CHD1: variants seen among roughly 807,000 people sequenced by gnomAD.
The protein encoded by CHD1 is chromodomain helicase DNA binding protein 1.
In CHD1, 36 loss-of-function variants were observed where a neutral mutation model predicts 224.2. The observed-to-expected ratio is 0.16, with a 90% CI of 0.12 to 0.21. The LOEUF (loss-of-function observed/expected upper bound fraction) is 0.21. Ranked by LOEUF, CHD1 falls within the 10% of genes least tolerant of loss-of-function variation. The pLI is 1.00. For synonymous variants in CHD1, 668 were observed against 658.3 expected, an observed-to-expected ratio of 1.01 and a Z score of -0.23; for missense variants, 1,378 against 1,994.8, an observed-to-expected ratio of 0.69 and a Z score of 5.89.
chr5:98,858,671 A>C (rs941795457), intron 34 of CHD1: 2 of 422,720 alleles, frequency 4.7e-6, no homozygotes, highest in African/African-American at 2.0e-5. Context: ...ATGCATTACT[A>C]TTCCAAATTA....
intron 13 of CHD1, 75 bp from the exon 14 acceptor site, chr5:98,893,681 CAATT>C (rs1751165106): frequency 1.1e-6 from 1 of 873,812 alleles, no homozygotes; most frequent in East Asian, 2.8e-5. Flanking sequence ...AATCTGAACT[CAATT>C]ATTAAAATGA....
At chr5:98,921,472 G>A (rs1387383374) in intron 2 of CHD1, among the ~76,000 whole-genome samples, 4 of 152,094 alleles carry the variant, frequency 2.6e-5, no homozygotes, top group African/African-American at 4.8e-5. Context: ...CGTCTGGGGC[G>A]AGGCACAAGG....
intron 2 of CHD1, among the ~76,000 whole-genome samples, chr5:98,921,724 A>C (rs367791340): frequency 1.3e-4 from 20 of 152,240 alleles, no homozygotes; most frequent in African/African-American, 3.6e-4. Flanking sequence ...GGGTAACATC[A>C]CATTAATGTT....
intron 18 of CHD1, 101 bp downstream of exon 18, chr5:98,885,477 T>A: frequency 1.3e-6 from 1 of 788,408 alleles, no homozygotes. Context: ...ACTCTTTTTT[T>A]ATCAAACTAG....
At position 98,856,725 on chromosome 5, in the gene CHD1, T is replaced by A. The variant is rs368136330; in HGVS notation, c.4788A>T (p.Arg1596Ser). 1.3e-6 allele frequency: 2 copies of A among 1,549,212 alleles called. No individual in the cohort carries two copies. The highest frequency in any genetic ancestry group is 2.8e-5 in the African/African-American group (2 of 72,582). ...TGTGTTTCTCTCTGTCACTGTAATA[T>A]CTAATAAAGAAAAATTGAGAATTTT... ...RDWDHYKQDS[R>S]YYSDREKHRK... The change falls in exon 36 of 36, where the codon AGA (arginine) becomes AGT (serine). Residue 1596 changes from arginine (R) to serine (S), a missense_variant and splice_region_variant. Arg to Ser is a moderately radical substitution (Grantham distance 110). Coordinates refer to ENST00000614616, the MANE Select transcript of CHD1 (RefSeq NM_001270.4).
intron 35 of CHD1, 100 bp from the exon 36 acceptor site, chr5:98,856,825 T>TCCAAATAAAAGATAACTAAAAAACA: frequency 1.3e-6 from 1 of 781,650 alleles, no homozygotes; most frequent in Non-Finnish European, 2.0e-6. Context: ...AAAACATGTT[T>TCCAAATAAAAGATAACTAAAAAACA]TTAATTGTAT....
At chr5:98,885,941 A>C (rs920574363) in intron 17 of CHD1, 2 of 293,570 alleles carry the variant, frequency 6.8e-6, no homozygotes, top group African/African-American at 4.3e-5. Flanking sequence ...CAAACACCTG[A>C]AACAGTTTCA....
At chr5:98,872,374 T>C (rs749104437) in intron 27 of CHD1, 43 bp downstream of exon 27, 4 of 1,577,664 alleles carry the variant, frequency 2.5e-6, no homozygotes, top group East Asian at 4.5e-5. Context: ...TTTGCAATTA[T>C]TGAATAACAA....
intron 19 of CHD1, 31 bp downstream of exon 19, chr5:98,883,057 G>A: frequency 7.8e-7 from 1 of 1,277,664 alleles, no homozygotes; most frequent in Non-Finnish European, 1.0e-6. Context: ...TTCTAAAACA[G>A]CAATATAATA....
At chr5:98,881,252 C>CTTTTTTTTTTTTTTTTTTTTTTTT in intron 21 of CHD1, 27 bp downstream of exon 21, 1 of 674,850 alleles carries the variant, frequency 1.5e-6, no homozygotes. Flanking sequence ...TGAGGCAGGC[C>CTTTTTTTTTTTTTTTTTTTTTTTT]TTTTTTTTTT....
chr5:98,900,703 C>T (rs62367698), intron 7 of CHD1, 108 bp downstream of exon 7: 43,683 of 946,026 alleles, frequency 0.046, 1,150 homozygotes, highest in Middle Eastern at 0.063. Flanking sequence ...CCATCGGCCT[C>T]GGCCCCCCAA....
At chr5:98,882,187 G>A (rs1340706377) in intron 19 of CHD1, 64 bp from the exon 20 acceptor site, 1 of 1,375,266 alleles carries the variant, frequency 7.3e-7, no homozygotes, top group Non-Finnish European at 1.0e-6. Context: ...AACCTCAAGT[G>A]CCTAAACACT....
chr5:98,905,139 G>C, intron 2 of CHD1, 41 bp from the exon 3 acceptor site: 1 of 1,605,374 alleles, frequency 6.2e-7, no homozygotes. Context: ...AAATTCATTA[G>C]GAATTTAATT....
At chr5:98,881,833 C>G in intron 20 of CHD1, 142 bp downstream of exon 20, 1 of 663,488 alleles carries the variant, frequency 1.5e-6, no homozygotes, top group Non-Finnish European at 2.4e-6. Flanking sequence ...TGTCTTCTAA[C>G]TAGAAATTAG....
intron 2 of CHD1, among the ~76,000 whole-genome samples, chr5:98,911,145 AAATATATATATATATATATAT>A (rs1752378413): frequency 2.1e-5 from 2 of 95,418 alleles, no homozygotes; most frequent in Admixed American, 1.1e-4. Flanking sequence ...AAAAAAAAAA[AAATATATATATATATATATAT>A]ATATATATAT....
chr5:98,897,079 G>C, intron 11 of CHD1, 114 bp downstream of exon 11: 2 of 912,470 alleles, frequency 2.2e-6, no homozygotes, highest in South Asian at 3.0e-5. Flanking sequence ...ACAAAGACTA[G>C]CATATAAACT....
At chr5:98,885,720 A>G (rs1750607499) in intron 17 of CHD1, 71 bp from the exon 18 acceptor site, 2 of 910,466 alleles carry the variant, frequency 2.2e-6, no homozygotes, top group Non-Finnish European at 3.5e-6. Context: ...AATCAATTAT[A>G]AAATTAAGTA....
chr5:98,905,013 A>T lies in CHD1; in HGVS notation c.139T>A (p.Ser47Thr). 1 of 1,571,498 alleles carries T rather than the reference A, an allele frequency of 6.4e-7. No homozygotes were observed. Among genetic ancestry groups the T allele is most frequent in the East Asian group, 2.2e-5 (1 of 44,628 alleles). The change falls in exon 3 of 36, where the codon TCA becomes ACA. Residue 47 changes from serine to threonine, a missense_variant. Physicochemically the swap from Ser to Thr is moderately conservative, Grantham distance 58. This residue lies in a region of CHD1 where 306 missense variants were observed against 298.1 expected (regional missense o/e 1.03). Transcript: ENST00000614616. The part of the protein sequence containing the change: ...GSSSDGSSSQ[S>T]GSSDSDSGSE... ...CCGGAGTCAGAGTCACTGCTACCTG[A>T]CTGGCTACTGCTTCCATCACTACTG...
chr5:98,916,384 A>G (rs1443559941), intron 2 of CHD1, among the ~76,000 whole-genome samples: 1 of 151,444 alleles, frequency 6.6e-6, no homozygotes, highest in Non-Finnish European at 1.5e-5. Context: ...TGTTTCTACT[A>G]AAAATACAAA....
Sources: gnomAD v4.1 joint callset for allele counts (sites outside exome capture counted in the v4.1 genomes callset) on GRCh38, gnomAD v4.1.1 for gene constraint, gnomAD v4.1.1 regional missense constraint, MANE v1.5 for transcripts, NCBI Gene and HGNC (gene_info 2026-07-23, HGNC 2026-07-21) for gene names.